FAAH2: variants seen among roughly 807,000 people sequenced by gnomAD.
The protein encoded by FAAH2 is fatty acid amide hydrolase 2, also known as fatty-acid amide hydrolase 2.
FAAH2 carries 60 observed loss-of-function variants against 36.9 expected under a neutral mutation model. The ratio of observed to expected loss-of-function variants is 1.63; its 90% confidence interval spans 1.32 to 2.02. The LOEUF (loss-of-function observed/expected upper bound fraction) is 2.02. FAAH2 is among the 30% of genes most tolerant of loss of function. The pLI, the probability that FAAH2 is intolerant of heterozygous loss-of-function variation, is 0.00. For synonymous variants in FAAH2, 214 were observed against 143.8 expected (o/e 1.49, Z -3.49); for missense variants, 689 against 397.5 (o/e 1.73, Z -6.23).
the FAAH2 span, among the ~76,000 whole-genome samples, chrX:57,190,660 C>CTT: frequency 1.7e-4 from 19 of 110,396 alleles, no homozygotes; most frequent in African/African-American, 5.3e-4. Flanking sequence ...CCCCTCCACC[C>CTT]GCTCCTTGCA....
intron 5 of FAAH2, among the ~76,000 whole-genome samples, chrX:57,353,192 G>A (rs896798209): frequency 1.8e-5 from 2 of 109,496 alleles, no homozygotes; most frequent in African/African-American, 6.6e-5. Context: ...ACCTCACTTC[G>A]GTAATATTAT....
At chrX:57,395,713 A>G (rs2055277810) in intron 7 of FAAH2, among the ~76,000 whole-genome samples, 1 of 111,944 alleles carries the variant, frequency 8.9e-6, no homozygotes, top group Non-Finnish European at 1.9e-5. Flanking sequence ...CTCTGGTATC[A>G]AACCCACATG....
At chrX:57,425,298 C>T (rs747845414) in intron 7 of FAAH2, among the ~76,000 whole-genome samples, 16 of 111,652 alleles carry the variant, frequency 1.4e-4, no homozygotes, top group South Asian at 3.7e-4. Context: ...AAAATCTATT[C>T]GAGGAAATAG....
At chrX:57,142,767 T>A in the FAAH2 span, among the ~76,000 whole-genome samples, 1 of 112,043 alleles carries the variant, frequency 8.9e-6, no homozygotes, top group East Asian at 2.8e-4. Context: ...CTAATATTTT[T>A]AAATATATCT....
chrX:57,251,580 T>A, the FAAH2 span, among the ~76,000 whole-genome samples: 2 of 111,868 alleles, frequency 1.8e-5, no homozygotes, highest in Admixed American at 9.5e-5. Context: ...GGTGACATGA[T>A]CTTATATACA....
intron 5 of FAAH2, among the ~76,000 whole-genome samples, chrX:57,364,009 G>GTTTTTTTTTTTTTTT (rs59787885): frequency 2.1e-5 from 1 of 46,541 alleles, no homozygotes; most frequent in Non-Finnish European, 3.6e-5. Context: ...GGCCTGTAGG[G>GTTTTTTTTTTTTTTT]TTTTTTTTTT....
At chrX:57,228,575 T>C in the FAAH2 span, among the ~76,000 whole-genome samples, 6 of 111,336 alleles carry the variant, frequency 5.4e-5, no homozygotes, top group African/African-American at 2.0e-4. Context: ...TGGTCTGTTA[T>C]TGCAGTCGAT....
At chrX:57,276,789 A>G in the FAAH2 span, among the ~76,000 whole-genome samples, 2 of 112,076 alleles carry the variant, frequency 1.8e-5, no homozygotes, top group African/African-American at 6.5e-5. Flanking sequence ...AGAGAATACT[A>G]TAAGCACCGG....
At chrX:57,313,953 G>A in intron 3 of FAAH2, among the ~76,000 whole-genome samples, 1 of 111,368 alleles carries the variant, frequency 9.0e-6, no homozygotes, top group Non-Finnish European at 1.9e-5. Flanking sequence ...CAGGCTGGAT[G>A]AAAAAACAAG....
the FAAH2 span, among the ~76,000 whole-genome samples, chrX:57,253,843 C>T: frequency 8.9e-6 from 1 of 111,804 alleles, no homozygotes; most frequent in Admixed American, 9.5e-5. Flanking sequence ...AGACCATCAA[C>T]ACTATGAAGA....
At chrX:57,357,077 A>G (rs1226613554) in intron 5 of FAAH2, among the ~76,000 whole-genome samples, 7 of 111,566 alleles carry the variant, frequency 6.3e-5, no homozygotes, top group Non-Finnish European at 1.1e-4. Flanking sequence ...GCTGAGAATG[A>G]TGGTTTCCAG....
chrX:57,402,022 C>T (rs1237961187), intron 7 of FAAH2, among the ~76,000 whole-genome samples: 11 of 111,067 alleles, frequency 9.9e-5, no homozygotes, highest in South Asian at 4.0e-4. Context: ...GACAGTTGTC[C>T]GGGACAGGAG....
At chrX:57,205,698 C>T in the FAAH2 span, among the ~76,000 whole-genome samples, 3 of 112,226 alleles carry the variant, frequency 2.7e-5, no homozygotes, top group African/African-American at 9.7e-5. Flanking sequence ...ATTCTCAGCA[C>T]CTTCAATTTG....
intron 10 of FAAH2, among the ~76,000 whole-genome samples, chrX:57,482,970 T>C (rs1045426458): frequency 9.1e-6 from 1 of 110,386 alleles, no homozygotes; most frequent in Admixed American, 9.7e-5. Flanking sequence ...CTTTAGATAG[T>C]CTGATCACTA....
intron 10 of FAAH2, among the ~76,000 whole-genome samples, chrX:57,455,745 G>A (rs1251920027): frequency 8.9e-6 from 1 of 111,991 alleles, no homozygotes; most frequent in Non-Finnish European, 1.9e-5. Context: ...AATTCAACAG[G>A]AAGTCTTAAC....
chrX:57,427,742 A>G (rs921242102), intron 7 of FAAH2, among the ~76,000 whole-genome samples: 1 of 111,659 alleles, frequency 9.0e-6, no homozygotes, highest in African/African-American at 3.2e-5. Context: ...TAGGCATAGA[A>G]GGAACGTACC....
At chrX:57,137,248 G>C in the FAAH2 span, 2,194 of 760,136 alleles carry the variant, frequency 2.9e-3, 2 homozygotes, top group African/African-American at 8.7e-3. Context: ...CTCACGTGCC[G>C]AAATCGGATA....
the FAAH2 span, among the ~76,000 whole-genome samples, chrX:57,150,570 C>T: frequency 3.3e-4 from 37 of 111,893 alleles, no homozygotes; most frequent in Admixed American, 2.0e-3. Flanking sequence ...TTATCAGAGA[C>T]TAGGATTGCA....
At chrX:57,271,766 G>A in the FAAH2 span, among the ~76,000 whole-genome samples, 2 of 110,352 alleles carry the variant, frequency 1.8e-5, no homozygotes, top group Non-Finnish European at 1.9e-5. Context: ...AAGACCAAAG[G>A]TAGATAAATC....
Sources: allele counts gnomAD v4.1 joint callset (sites outside exome capture counted in the v4.1 genomes callset), GRCh38; gene constraint gnomAD v4.1.1; transcripts MANE v1.5; gene names NCBI Gene and HGNC (gene_info 2026-07-23, HGNC 2026-07-21).